ABCB5: variants seen among roughly 807,000 people sequenced by gnomAD.
ABCB5 encodes ATP binding cassette subfamily B member 5.
ABCB5 carries 155 observed loss-of-function variants against 144.2 expected under a neutral mutation model. The observed-to-expected ratio is 1.08, with a 90% CI of 0.94 to 1.23. The LOEUF (loss-of-function observed/expected upper bound fraction) is 1.23, where lower values mean the gene tolerates loss of function less well. Ranked by LOEUF, ABCB5 falls within the 50% of genes most tolerant of loss-of-function variation. The pLI is 0.00. For missense variants in ABCB5, 1,830 were observed against 1,520.8 expected (o/e 1.20, Z -3.38); for synonymous variants, 610 against 528.6 (o/e 1.15, Z -2.11).
chr7:20,704,607 T>C, intron 19 of ABCB5, 117 bp from the exon 20 acceptor site: 2 of 658,920 alleles, frequency 3.0e-6, no homozygotes, highest in Non-Finnish European at 2.6e-6. Flanking sequence ...TTTATAGGAA[T>C]TAAGTACCTG....
intron 23 of ABCB5, among the ~76,000 whole-genome samples, chr7:20,732,780 C>T (rs1438421188): frequency 6.6e-6 from 1 of 152,150 alleles, no homozygotes; most frequent in Non-Finnish European, 1.5e-5. Context: ...TTTACCTGTA[C>T]CTACTGAGAT....
In ABCB5 at chr7:20,698,407, A is replaced by G. The variant is rs775722242; in HGVS notation, c.2011A>G (p.Ile671Val). 6 of 1,564,334 alleles carry G rather than the reference A, an allele frequency of 3.8e-6. No homozygotes were observed. The highest frequency in any genetic ancestry group is 1.4e-5 in the African/African-American group (1 of 72,044). ...TTTAACCAACATATTTTATTTTTAG[A>G]TAAGTCTTCCTGAAGTCTCTCTATT... ...KAEESTQSKE[I>V]SLPEVSLLKI... Residue 671 changes from isoleucine to valine, a missense_variant and splice_region_variant, in exon 17 of 28, where the codon ATA becomes GTA. By Grantham distance (29) the Ile-to-Val change is conservative (BLOSUM62 3). Coordinates refer to ENST00000404938, the MANE Select transcript of ABCB5 (RefSeq NM_001163941.2).
chr7:20,737,319 G>T (rs1262118164), intron 23 of ABCB5, among the ~76,000 whole-genome samples: 1 of 152,010 alleles, frequency 6.6e-6, no homozygotes, highest in African/African-American at 2.4e-5. Flanking sequence ...ATTAAAGACG[G>T]TATCAGGGCT....
At chr7:20,716,183 G>C (rs1781669284) in intron 20 of ABCB5, among the ~76,000 whole-genome samples, 1 of 152,128 alleles carries the variant, frequency 6.6e-6, no homozygotes, top group Non-Finnish European at 1.5e-5. Flanking sequence ...ACTGTGCCAA[G>C]AATTGAAATC....
intron 15 of ABCB5, among the ~76,000 whole-genome samples, chr7:20,684,163 C>T (rs1785917052): frequency 6.6e-6 from 1 of 152,056 alleles, no homozygotes; most frequent in Non-Finnish European, 1.5e-5. Flanking sequence ...TTTTATCAAA[C>T]TTTTTAGAAA....
chr7:20,739,700 C>T (rs1562587830), intron 24 of ABCB5, among the ~76,000 whole-genome samples: 3 of 151,514 alleles, frequency 2.0e-5, no homozygotes, highest in Admixed American at 6.6e-5. Context: ...GATGAAGATT[C>T]GTATTAAGGT....
chr7:20,730,373 G>C (rs759072127), intron 23 of ABCB5, among the ~76,000 whole-genome samples: 2 of 152,198 alleles, frequency 1.3e-5, no homozygotes, highest in Non-Finnish European at 2.9e-5. Context: ...GCCATGTATG[G>C]CGGTGCATGC....
At chr7:20,649,872 C>G in intron 11 of ABCB5, 150 bp from the exon 12 acceptor site, 1 of 766,026 alleles carries the variant, frequency 1.3e-6, no homozygotes, top group Non-Finnish European at 2.0e-6. Context: ...CAGGCTATTA[C>G]TACACATGTA....
At chr7:20,689,006 T>C (rs181666072) in intron 16 of ABCB5, among the ~76,000 whole-genome samples, 85 of 152,082 alleles carry the variant, frequency 5.6e-4, no homozygotes, top group African/African-American at 1.9e-3. Context: ...TTAGGAGATA[T>C]ACCTAAGGTA....
chr7:20,668,747 A>G (rs866946367), intron 14 of ABCB5, among the ~76,000 whole-genome samples: 1,411 of 119,810 alleles, frequency 0.012, 8 homozygotes, highest in African/African-American at 0.049. Context: ...CCGCCCGGCC[A>G]GCCGCCCAGT....
chr7:20,706,801 T>A (rs1786839145), intron 20 of ABCB5, among the ~76,000 whole-genome samples: 1 of 152,174 alleles, frequency 6.6e-6, no homozygotes, highest in South Asian at 2.1e-4. Context: ...GCCACTGTAC[T>A]CCAGCCTGGA....
intron 14 of ABCB5, among the ~76,000 whole-genome samples, chr7:20,679,400 G>A (rs1053348888): frequency 1.2e-4 from 17 of 141,846 alleles, no homozygotes; most frequent in African/African-American, 4.4e-4. Context: ...GAACCTGGGA[G>A]GCAGCTGTTG....
intron 26 of ABCB5, among the ~76,000 whole-genome samples, chr7:20,748,581 T>C (rs1232126599): frequency 4.6e-5 from 6 of 129,522 alleles, no homozygotes; most frequent in African/African-American, 9.1e-5. Context: ...ACCCGGGAGA[T>C]GGAGGTTGCA....
rs374927198 is a variant in ABCB5, at chr7:20,728,442, G to A, written c.2854G>A (p.Glu952Lys). 3 of 1,614,124 alleles carry A rather than the reference G, an allele frequency of 1.9e-6. No individual in the cohort carries two copies. The highest frequency in any genetic ancestry group is 2.5e-6 in the Non-Finnish European group (3 of 1,179,990). The change falls in exon 23 of 28, where the codon GAG (glutamate) becomes AAG (lysine). Residue 952 changes from glutamate to lysine, a missense_variant. Glu to Lys is a moderately conservative substitution (Grantham distance 56). Coordinates refer to ENST00000404938, the MANE Select transcript of ABCB5 (RefSeq NM_001163941.2). Reference sequence around the variant, plus strand: ...AATTCAAGCTGGACGAATGACCCCAGAGGGCATGTTCATGTAAGTCGTGGA... The same window carrying A: ...AATTCAAGCTGGACGAATGACCCCAAAGGGCATGTTCATGTAAGTCGTGGA... ...YLIQAGRMTP[E>K]GMFIVFTAIA... is the part of the protein sequence containing the mutation.
At chr7:20,655,601 A>G (rs149240393) in intron 13 of ABCB5, among the ~76,000 whole-genome samples, 2 of 152,364 alleles carry the variant, frequency 1.3e-5, no homozygotes, top group Non-Finnish European at 2.9e-5. Flanking sequence ...AATAAATTTA[A>G]TGAAAGACGT....
chr7:20,731,683 C>T (rs1782227687), intron 23 of ABCB5, among the ~76,000 whole-genome samples: 1 of 152,132 alleles, frequency 6.6e-6, no homozygotes, highest in Admixed American at 6.5e-5. Context: ...TTCCCCAAGA[C>T]TTTCCCATCT....
chr7:20,638,940 T>G (rs890271593), intron 5 of ABCB5, among the ~76,000 whole-genome samples: 1 of 152,160 alleles, frequency 6.6e-6, no homozygotes, highest in African/African-American at 2.4e-5. Context: ...TGCCAAACTG[T>G]TTTTTCAAAG....
At chr7:20,620,824 A>T (rs1783792012) in intron 1 of ABCB5, among the ~76,000 whole-genome samples, 1 of 152,142 alleles carries the variant, frequency 6.6e-6, no homozygotes. Context: ...GCTAAGAAAA[A>T]CAGTATGAAT....
chr7:20,698,865 T>C (rs1192812351), intron 17 of ABCB5, among the ~76,000 whole-genome samples: 2 of 152,234 alleles, frequency 1.3e-5, no homozygotes, highest in Admixed American at 1.3e-4. Flanking sequence ...ACTACTTTCC[T>C]TTCAATTAGT....
Sources: allele counts gnomAD v4.1 joint callset (sites outside exome capture counted in the v4.1 genomes callset), GRCh38; gene constraint gnomAD v4.1.1; transcripts MANE v1.5; gene names NCBI Gene and HGNC (gene_info 2026-07-23, HGNC 2026-07-21).